Variants in ZNF649 observed in about 807,000 individuals in gnomAD.
ZNF649 encodes the protein zinc finger protein 649.
ZNF649 carries 7 observed loss-of-function variants against 14.1 expected under a neutral mutation model. The ratio of observed to expected loss-of-function variants is 0.49; its 90% CI spans 0.28 to 0.93. The LOEUF is 0.93. Ranked by LOEUF, ZNF649 falls within the 40% of genes least tolerant of loss-of-function variation. ZNF649 has a pLI of 0.10. For missense variants in ZNF649, 544 were observed against 608.1 expected (o/e 0.89, Z 1.11); for synonymous variants, 227 against 212.3 (o/e 1.07, Z -0.60).
Position 51,890,605 on chromosome 19 carries a change from A to C in ZNF649, c.*13T>G. ...TCCGCTGGAGGCTATATGATCAAAC[A>C]GCAAACTGTTTATCATGAATGCAGG... On this transcript the variant is annotated 3_prime_UTR_variant, in exon 5 of 5. Coordinates refer to ENST00000354957, the MANE Select transcript of ZNF649 (RefSeq NM_023074.4). 6.3e-7 allele frequency: 1 copy of C among 1,575,766 alleles called. No homozygotes were observed. The highest frequency in any genetic ancestry group is 8.7e-7 in the Non-Finnish European group (1 of 1,150,702).
At chr19:51,899,208 T>C (rs776741863) in intron 2 of ZNF649, among the ~76,000 whole-genome samples, 8 of 152,220 alleles carry the variant, frequency 5.3e-5, no homozygotes, top group Non-Finnish European at 8.8e-5. Flanking sequence ...TATATACGTG[T>C]AAAACCATAA....
At chr19:51,892,549 C>T (rs934682060) in intron 4 of ZNF649, among the ~76,000 whole-genome samples, 2 of 151,882 alleles carry the variant, frequency 1.3e-5, no homozygotes, top group Non-Finnish European at 2.9e-5. Context: ...AAGAATAATC[C>T]TGAGTAGGGA....
Position 51,891,919 on chromosome 19 carries a change from C to G in ZNF649, c.239-22G>C. The G allele has an allele frequency of 6.5e-7, 1 of 1,532,354 alleles. No homozygotes were observed. The highest frequency in any genetic ancestry group is 8.7e-7 in the Non-Finnish European group (1 of 1,147,102). 94.9% of individuals were successfully genotyped at this position (1,532,354 alleles called of 1,614,324 possible). ...ATTTCTAAGAGAGAGAACAATAAAT[C>G]CTTCCATGATCATCACACGGAATAA... On this transcript the variant is annotated intron_variant, in intron 4 of 4. Coordinates refer to ENST00000354957, the MANE Select transcript of ZNF649 (RefSeq NM_023074.4). The surrounding 1 kb of genome is among the most constrained non-coding windows in gnomAD (Gnocchi z 4.2).
At chr19:51,897,723 G>T (rs529770455) in intron 2 of ZNF649, among the ~76,000 whole-genome samples, 51 of 152,224 alleles carry the variant, frequency 3.4e-4, no homozygotes, top group African/African-American at 1.2e-3. Flanking sequence ...AGGAAGACAA[G>T]CATTTGTTAG....
At chr19:51,895,129 A>G (rs2085052238) in intron 4 of ZNF649, among the ~76,000 whole-genome samples, 1 of 152,156 alleles carries the variant, frequency 6.6e-6, no homozygotes, top group South Asian at 2.1e-4. Flanking sequence ...AGCACCACCA[A>G]ATCACACTGA....
Position 51,890,515 on chromosome 19 carries a change from G to A in ZNF649, c.*103C>T. ...AAAAGTAAAATATATTTCATATCTTGTAAACCCTACTATACATATTAGTGC... is the reference window on the plus strand; with the variant it reads ...AAAAGTAAAATATATTTCATATCTTATAAACCCTACTATACATATTAGTGC... On this transcript the variant is annotated 3_prime_UTR_variant, in exon 5 of 5. Coordinates refer to ENST00000354957, the MANE Select transcript of ZNF649 (RefSeq NM_023074.4). 4 of 707,810 alleles carry A rather than the reference G, an allele frequency of 5.7e-6. No individual in the cohort carries two copies. The highest frequency in any genetic ancestry group is 3.8e-4 in the Middle Eastern group (1 of 2,632). 43.8% of individuals were successfully genotyped at this position (707,810 alleles called of 1,614,324 possible).
At chr19:51,898,988 A>G (rs2085080535) in intron 2 of ZNF649, among the ~76,000 whole-genome samples, 1 of 152,162 alleles carries the variant, frequency 6.6e-6, no homozygotes, top group Admixed American at 6.5e-5. Context: ...TGGGACTGAA[A>G]GTCCCAACTC....
At chr19:51,901,236 T>C (rs1218041669) in intron 1 of ZNF649, among the ~76,000 whole-genome samples, 2 of 152,104 alleles carry the variant, frequency 1.3e-5, no homozygotes, top group East Asian at 3.8e-4. Context: ...GAGGAAAGCA[T>C]GTGTTCAGGA....
chr19:51,896,446 C>G (rs750990525), intron 4 of ZNF649, 26 bp downstream of exon 4: 1 of 1,603,536 alleles, frequency 6.2e-7, no homozygotes, highest in Admixed American at 1.7e-5. Flanking sequence ...GCTGCCTTCC[C>G]CTCTTGCTGG....
At position 51,895,505 on chromosome 19, in the gene ZNF649, G is replaced by A. The variant is rs538687675; in HGVS notation, c.238+967C>T. On this transcript the variant is annotated intron_variant, in intron 4 of 4. Transcript: ENST00000354957. ...ACTACAGGCACATGTCACCACGCCC[G>A]GCTAATTTTTGTATTTTTAGTAGAG... is the stretch of plus-strand genomic sequence containing the variant. 3.2e-3 allele frequency among the ~76,000 whole-genome samples: 489 copies of A among 151,862 alleles called. 1 individual carries two copies. Among genetic ancestry groups the A allele is most frequent in the South Asian group, 0.011 (55 of 4,814 alleles).
In ZNF649 at chr19:51,890,760, T is replaced by A; in HGVS notation, c.1376A>T (p.Asp459Val). ...KRIHSREKRG[D>V]SVKVENPSTA... is the part of the protein sequence containing the mutation. ...GGAAGGATTTTCCACCTTCACTGAA[T>A]CCCCCCGTTTCTCCCTTGAGTGTAT... The change falls in exon 5 of 5, where the codon GAT (aspartate) becomes GTT (valine). Residue 459 changes from aspartate (D) to valine (V), a missense_variant. Coordinates refer to ENST00000354957, the MANE Select transcript of ZNF649 (RefSeq NM_023074.4). 1 of 1,614,164 alleles carries A rather than the reference T, an allele frequency of 6.2e-7. No homozygotes were observed. The highest frequency in any genetic ancestry group is 1.1e-5 in the South Asian group (1 of 91,080).
Position 51,891,042 on chromosome 19 carries a change from T to C in ZNF649, c.1094A>G (p.Gln365Arg). Residue 365 changes from glutamine to arginine, a missense_variant, in exon 5 of 5, where the codon CAG becomes CGG. Gln to Arg is a conservative substitution (Grantham distance 43). Coordinates refer to ENST00000354957, the MANE Select transcript of ZNF649 (RefSeq NM_023074.4). The surrounding 1 kb of genome is among the most constrained non-coding windows in gnomAD (Gnocchi z 4.2). ...FSQKSCLVAHQRYHTGKTPFV... is the reference protein window; with the variant it reads ...FSQKSCLVAHRRYHTGKTPFV... ...GGGAGTCTTTCCTGTATGATATCTCTGATGTGCTACAAGGCAAGACTTCTG... is the reference window on the plus strand; with the variant it reads ...GGGAGTCTTTCCTGTATGATATCTCCGATGTGCTACAAGGCAAGACTTCTG... 2.5e-6 allele frequency: 4 copies of C among 1,614,234 alleles called. No individual in the cohort carries two copies. The highest frequency in any genetic ancestry group is 3.4e-6 in the Non-Finnish European group (4 of 1,180,034).
intron 4 of ZNF649, chr19:51,896,031 A>C: frequency 5.8e-6 from 1 of 173,256 alleles, no homozygotes; most frequent in South Asian, 1.2e-4. Context: ...GAAACAGACG[A>C]TACCCAGCTG....
chr19:51,892,366 C>T (rs1346194092), intron 4 of ZNF649, among the ~76,000 whole-genome samples: 1 of 144,062 alleles, frequency 6.9e-6, no homozygotes, highest in East Asian at 2.1e-4. Flanking sequence ...CAGAGCAAGA[C>T]TCCATCTCAA....
chr19:51,902,458 G>A (rs2085100431), intron 1 of ZNF649, among the ~76,000 whole-genome samples: 1 of 152,146 alleles, frequency 6.6e-6, no homozygotes, highest in Admixed American at 6.5e-5. Context: ...TTAATTTGCT[G>A]GATGGCTCAC....
At position 51,891,780 on chromosome 19, in the gene ZNF649, T is replaced by C. The variant is rs980141467; in HGVS notation, c.356A>G (p.Asn119Ser). Reference protein sequence around the residue: ...RTLKSYLGLTNQSRRYNRKEP... With the variant: ...RTLKSYLGLTSQSRRYNRKEP... ...CTTTCTGTTGTATCTTCTGCTCTGG[T>C]TGGTTAAACCTAAATATGATTTCAA... Residue 119 changes from asparagine (N) to serine (S), a missense_variant, in exon 5 of 5, where the codon AAC becomes AGC. By Grantham distance (46) the Asn-to-Ser change is conservative. Coordinates refer to ENST00000354957, the MANE Select transcript of ZNF649 (RefSeq NM_023074.4). The surrounding 1 kb of genome is among the most constrained non-coding windows in gnomAD (Gnocchi z 4.2). The C allele has an allele frequency of 3.1e-6, 5 of 1,613,962 alleles. No homozygotes were observed. Among genetic ancestry groups the C allele is most frequent in the African/African-American group, 1.3e-5 (1 of 74,906 alleles).
At chr19:51,896,333 G>T in intron 4 of ZNF649, 139 bp downstream of exon 4, 1 of 665,586 alleles carries the variant, frequency 1.5e-6, no homozygotes, top group African/African-American at 1.8e-5. Flanking sequence ...AAGAAAAAGA[G>T]CTCTTGTATC....
Position 51,890,903 on chromosome 19 carries a change from G to A in ZNF649, c.1233C>T (p.Phe411=). The A allele has an allele frequency of 6.2e-7, 1 of 1,614,206 alleles. No individual in the cohort carries two copies. Among genetic ancestry groups the A allele is most frequent in the Non-Finnish European group, 8.5e-7 (1 of 1,180,034 alleles). ...PYKCSDCGKA[F]LTKTMLIVHH... ...GTACAATGAGCATTGTCTTTGTAAG[G>A]AAGGCTTTCCCACAGTCACTGCATT... Residue 411 remains phenylalanine, a synonymous_variant, in exon 5 of 5, where the codon TTC becomes TTT. Coordinates refer to ENST00000354957, the MANE Select transcript of ZNF649 (RefSeq NM_023074.4).
intron 3 of ZNF649, 48 bp from the exon 4 acceptor site, chr19:51,896,615 C>T (rs1487959350): frequency 2.5e-6 from 4 of 1,590,940 alleles, no homozygotes; most frequent in East Asian, 2.2e-5. Context: ...AATTGCACCA[C>T]GTGGCTCTGA....
Sources: gnomAD v4.1 joint callset for allele counts (sites outside exome capture counted in the v4.1 genomes callset) on GRCh38, gnomAD v4.1.1 for gene constraint, Gnocchi (gnomAD v3.1) non-coding constraint, MANE v1.5 for transcripts, NCBI Gene and HGNC (gene_info 2026-07-23, HGNC 2026-07-21) for gene names.